Variants in TMEM170A observed in about 807,000 individuals in gnomAD.
TMEM170A encodes the protein transmembrane protein 170A.
A neutral mutation model predicts 12.8 loss-of-function variants in TMEM170A; 18 were observed. The ratio of observed to expected loss-of-function variants is 1.41; its 90% CI spans 0.97 to 2.09. The LOEUF (loss-of-function observed/expected upper bound fraction) is 2.09. Among genes scored for constraint, TMEM170A ranks in the 30% most tolerant of loss-of-function variants. The pLI, the probability that TMEM170A is intolerant of heterozygous loss-of-function variation, is 0.00. For synonymous variants in TMEM170A, 107 were observed against 76.2 expected (o/e 1.40, Z -2.11); for missense variants, 220 against 179.9 (o/e 1.22, Z -1.28).
At chr16:75,452,990 G>A (rs1450282150) in intron 1 of TMEM170A, among the ~76,000 whole-genome samples, 1 of 152,036 alleles carries the variant, frequency 6.6e-6, no homozygotes, top group Admixed American at 6.6e-5. Context: ...CCAGCTTCAA[G>A]GGCAAAGCTG....
chr16:75,454,423 C>T (rs952897153), intron 1 of TMEM170A, among the ~76,000 whole-genome samples: 1 of 151,658 alleles, frequency 6.6e-6, no homozygotes, highest in South Asian at 2.1e-4. Context: ...TCAAGACCAG[C>T]CTGGCCAACA....
rs893772009 is a variant in TMEM170A, at chr16:75,443,958, G to A, written c.*3600C>T. ...ACAAAAATTAGCTGGGCCTTGTGGC[G>A]GGTGCCAGTAATCCTAGCTACTCAG... On this transcript the variant is annotated 3_prime_UTR_variant, in exon 3 of 3. Coordinates refer to ENST00000561878, the MANE Select transcript of TMEM170A (RefSeq NM_145254.3). 3.3e-5 allele frequency: 5 copies of A among 151,962 alleles called. No individual in the cohort carries two copies. Among genetic ancestry groups the A allele is most frequent in the East Asian group, 1.9e-4 (1 of 5,180 alleles). 9.4% of individuals were successfully genotyped at this position (151,962 alleles called of 1,614,324 possible). A position where few individuals can be genotyped will look rare whatever the true frequency, so the allele number is the denominator to read the frequency against.
At chr16:75,456,944 G>A (rs1759553931) in intron 1 of TMEM170A, among the ~76,000 whole-genome samples, 1 of 152,118 alleles carries the variant, frequency 6.6e-6, no homozygotes, top group African/African-American at 2.4e-5. Flanking sequence ...GAGTCCTCAC[G>A]TGCCACTCCC....
intron 1 of TMEM170A, among the ~76,000 whole-genome samples, chr16:75,457,770 C>T (rs904983996): frequency 8.5e-5 from 13 of 152,310 alleles, no homozygotes; most frequent in Non-Finnish European, 1.5e-5. Flanking sequence ...AGCAGGCCAA[C>T]ACCTCTCTGA....
chr16:75,456,721 T>A, intron 1 of TMEM170A, among the ~76,000 whole-genome samples: 1 of 152,222 alleles, frequency 6.6e-6, no homozygotes, highest in East Asian at 1.9e-4. Flanking sequence ...TGCATCTGGA[T>A]ACTGCTCCTC....
chr16:75,460,765 A>G (rs1567704683), intron 1 of TMEM170A, among the ~76,000 whole-genome samples: 1 of 152,184 alleles, frequency 6.6e-6, no homozygotes. Flanking sequence ...CTAGAAAACA[A>G]CAGGCACACA....
At chr16:75,455,344 G>A (rs922614865) in intron 1 of TMEM170A, among the ~76,000 whole-genome samples, 5 of 108,572 alleles carry the variant, frequency 4.6e-5, no homozygotes, top group African/African-American at 1.1e-4. Context: ...GTGACAGAGC[G>A]AGACACTGTC....
At position 75,446,544 on chromosome 16, in the gene TMEM170A, TG is replaced by T. The variant is rs1172381279; in HGVS notation, c.*1013del. The T allele has an allele frequency of 1.1e-4, 17 of 152,302 alleles. No homozygotes were observed. The highest frequency in any genetic ancestry group is 3.4e-3 in the Middle Eastern group (1 of 294). The allele number at this position is 152,302 out of a possible 1,614,324, so 9.4% of individuals were successfully genotyped here. On this transcript the variant is annotated 3_prime_UTR_variant, in exon 3 of 3. Transcript: ENST00000561878. ...CTTTCTGGGAGTTGATACCCAATAC[TG>T]TAAAAGTGGGCTGAAGAGTTACCAC...
intron 1 of TMEM170A, chr16:75,458,582 G>C (rs375346617): frequency 2.0e-5 from 3 of 152,316 alleles, no homozygotes; most frequent in African/African-American, 7.2e-5. Flanking sequence ...GGCAAGCAAA[G>C]TTCTTATTAC....
At chr16:75,455,392 A>G (rs2151639278) in intron 1 of TMEM170A, among the ~76,000 whole-genome samples, 1 of 151,736 alleles carries the variant, frequency 6.6e-6, no homozygotes, top group East Asian at 1.9e-4. Context: ...ATGTATATAT[A>G]CTGAAGGGGC....
chr16:75,462,709 T>G (rs1019247373), intron 1 of TMEM170A, among the ~76,000 whole-genome samples: 6 of 152,234 alleles, frequency 3.9e-5, no homozygotes, highest in African/African-American at 1.4e-4. Flanking sequence ...AGTAACTGTT[T>G]TAGCTAAATG....
At chr16:75,458,614 C>T (rs1342547729) in intron 1 of TMEM170A, 1 of 152,210 alleles carries the variant, frequency 6.6e-6, no homozygotes, top group Non-Finnish European at 1.5e-5. Flanking sequence ...GGAACACAGC[C>T]CTGCTAAACC....
chr16:75,444,761 A>AT lies in TMEM170A; in HGVS notation c.*2796dup, dbSNP rs896944812. 1 of 152,168 alleles carries AT rather than the reference A, an allele frequency of 6.6e-6. No homozygotes were observed. Among genetic ancestry groups the AT allele is most frequent in the Non-Finnish European group, 1.5e-5 (1 of 68,028 alleles). The allele number at this position is 152,168 out of a possible 1,614,324, so 9.4% of individuals were successfully genotyped here. A position where few individuals can be genotyped will look rare whatever the true frequency, so the allele number is the denominator to read the frequency against. On this transcript the variant is annotated 3_prime_UTR_variant, in exon 3 of 3. Transcript: ENST00000561878. ...GAGAATACTTCACCTACTGGGATGG[A>AT]TGAAACACTCAGTAATTTGAAGATA...
chr16:75,448,484 C>T lies in TMEM170A; in HGVS notation c.305-796G>A, dbSNP rs574360772. On this transcript the variant is annotated intron_variant, in intron 2 of 2. Coordinates refer to ENST00000561878, the MANE Select transcript of TMEM170A (RefSeq NM_145254.3). ...TTCGTTTGAAAAGAATAGATCCGGC[C>T]GGGCACGGTGGCTCACGCCTGTAAT... Among the ~76,000 whole-genome samples the T allele has an allele frequency of 4.5e-4, 68 of 152,250 alleles. 1 individual carries two copies. The highest frequency in any genetic ancestry group is 1.4e-3 in the African/African-American group (59 of 41,558).
Position 75,464,633 on chromosome 16 carries a change from C to T in TMEM170A, c.-33G>A, listed in dbSNP as rs2079966868. 1.3e-6 allele frequency: 2 copies of T among 1,556,526 alleles called. No individual in the cohort carries two copies. Among genetic ancestry groups the T allele is most frequent in the African/African-American group, 1.4e-5 (1 of 70,326 alleles). ...CCATTCACCACAGAGAAATGAGGGA[C>T]GAGCGCCCGAAGTGCGGTAGCGGCC... On this transcript the variant is annotated 5_prime_UTR_variant, in exon 1 of 3. Coordinates refer to ENST00000561878, the MANE Select transcript of TMEM170A (RefSeq NM_145254.3).
At position 75,451,694 on chromosome 16, in the gene TMEM170A, T is replaced by C. The variant is rs760194469; in HGVS notation, c.279A>G (p.Gly93=). 3.7e-6 allele frequency: 6 copies of C among 1,614,060 alleles called. No individual in the cohort carries two copies. In the African/African-American group the frequency reaches 6.7e-5, roughly 18 times the overall value. The change falls in exon 2 of 3, where the codon GGA becomes GGG. Residue 93 remains glycine, a synonymous_variant. Transcript: ENST00000561878. ...SVSILLMGIV[G]PITAGILTSA... is the part of the protein sequence containing the mutation. ...TTGTCAAGATTCCAGCAGTAATTGGTCCCACGATGCCCATCAACAGGATGC... is the reference window on the plus strand; with the variant it reads ...TTGTCAAGATTCCAGCAGTAATTGGCCCCACGATGCCCATCAACAGGATGC...
intron 1 of TMEM170A, among the ~76,000 whole-genome samples, chr16:75,462,550 G>A (rs574585386): frequency 3.3e-5 from 5 of 152,326 alleles, no homozygotes; most frequent in Admixed American, 2.0e-4. Flanking sequence ...GTGAGTGGAC[G>A]TCACCTAGGT....
At chr16:75,461,057 CTCAT>C (rs1334276697) in intron 1 of TMEM170A, among the ~76,000 whole-genome samples, 1 of 151,954 alleles carries the variant, frequency 6.6e-6, no homozygotes, top group African/African-American at 2.4e-5. Context: ...TTTACTTATA[CTCAT>C]TTATTTATTT....
intron 2 of TMEM170A, among the ~76,000 whole-genome samples, chr16:75,450,192 A>C (rs1389523443): frequency 6.6e-6 from 1 of 151,926 alleles, no homozygotes; most frequent in African/African-American, 2.4e-5. Flanking sequence ...AAAAAAAAAA[A>C]AAAAAACACC....
Sources: allele counts gnomAD v4.1 joint callset (sites outside exome capture counted in the v4.1 genomes callset), GRCh38; gene constraint gnomAD v4.1.1; transcripts MANE v1.5; gene names NCBI Gene and HGNC (gene_info 2026-07-23, HGNC 2026-07-21).